The following PER3 variants were observed in gnomAD, a reference collection of about 807,000 sequenced individuals.
PER3 encodes the protein period circadian protein homolog 3.
Under a neutral mutation model 127.2 loss-of-function variants are expected in PER3, and 107 were observed. The ratio of observed to expected loss-of-function variants is 0.84; its 90% CI spans 0.72 to 0.99. The LOEUF (loss-of-function observed/expected upper bound fraction) is 0.99, where lower values mean the gene tolerates loss of function less well. Among genes scored for constraint, PER3 ranks in the 50% least tolerant of loss-of-function variants. The probability of loss-of-function intolerance (pLI) is 0.00; values close to 1 mark genes in which losing one functional copy is unlikely to be tolerated. For missense variants in PER3, 1,560 were observed against 1,525.8 expected, an observed-to-expected ratio of 1.02 and a Z score of -0.37; for synonymous variants, 618 against 585.8, an observed-to-expected ratio of 1.05 and a Z score of -0.79.
intron 6 of PER3, 42 bp from the exon 7 acceptor site, chr1:7,798,483 A>G: frequency 1.3e-6 from 2 of 1,554,626 alleles, no homozygotes; most frequent in Non-Finnish European, 1.8e-6. Context: ...ATGGGCCAGT[A>G]GGGTGCGTCA....
At chr1:7,801,674 ACTT>A (rs1309843972) in intron 8 of PER3, among the ~76,000 whole-genome samples, 1 of 152,060 alleles carries the variant, frequency 6.6e-6, no homozygotes, top group African/African-American at 2.4e-5. Context: ...TTTATTTTGA[ACTT>A]CTGTCCTTCC....
At chr1:7,838,554 G>A (rs527834954) in intron 21 of PER3, among the ~76,000 whole-genome samples, 5 of 152,016 alleles carry the variant, frequency 3.3e-5, no homozygotes, top group Admixed American at 6.6e-5. Context: ...GATTGCAGGC[G>A]CACACCACCA....
At chr1:7,792,265 A>G (rs2097125262) in intron 5 of PER3, among the ~76,000 whole-genome samples, 1 of 152,136 alleles carries the variant, frequency 6.6e-6, no homozygotes, top group African/African-American at 2.4e-5. Flanking sequence ...CAAAAGGGGG[A>G]AAAGCCTCTT....
chr1:7,785,410 G>A (rs2150401975), intron 2 of PER3, 31 bp from the exon 3 acceptor site: 2 of 1,585,020 alleles, frequency 1.3e-6, no homozygotes, highest in Non-Finnish European at 1.7e-6. Flanking sequence ...GTCTTCAGAG[G>A]ATGAAGTTGT....
chr1:7,823,855 A>G (rs553157845), intron 16 of PER3, among the ~76,000 whole-genome samples: 1 of 152,348 alleles, frequency 6.6e-6, no homozygotes, highest in East Asian at 1.9e-4. Flanking sequence ...CAACCTTTTC[A>G]AGTACACACA....
In PER3 at chr1:7,785,575, A is replaced by G. The variant is rs996420445; in HGVS notation, c.263A>G (p.His88Arg). The change falls in exon 3 of 22, where the codon CAC becomes CGC. Residue 88 changes from histidine to arginine, a missense_variant. Coordinates refer to ENST00000377532, the MANE Select transcript of PER3 (RefSeq NM_001377275.1). Reference sequence around the variant, plus strand: ...CTCAACTATGCTCTCCGCTGTGTCCACAGCGTTCAAGGTAAACAAGCCGGA... The same window carrying G: ...CTCAACTATGCTCTCCGCTGTGTCCGCAGCGTTCAAGGTAAACAAGCCGGA... ...DALNYALRCV[H>R]SVQANSEFFQ... The G allele has an allele frequency of 6.2e-7, 1 of 1,613,110 alleles. No individual in the cohort carries two copies. The highest frequency in any genetic ancestry group is 1.1e-5 in the South Asian group (1 of 90,902).
chr1:7,809,802 ATCT>A (rs2097211102), intron 11 of PER3, 88 bp from the exon 12 acceptor site: 1 of 1,222,868 alleles, frequency 8.2e-7, no homozygotes, highest in South Asian at 1.5e-5. Context: ...AGGAATTGTC[ATCT>A]TAATTTTTAC....
At chr1:7,796,121 C>A (rs1328101505) in intron 6 of PER3, among the ~76,000 whole-genome samples, 1 of 152,062 alleles carries the variant, frequency 6.6e-6, no homozygotes, top group Non-Finnish European at 1.5e-5. Context: ...CATGAGACAC[C>A]CCAGACCCAT....
chr1:7,810,520 C>A lies in PER3; in HGVS notation c.1454C>A (p.Ser485Ter), dbSNP rs761153271. The change falls in exon 13 of 22, where the codon TCA (serine) becomes TAA (stop). Residue 485 changes from serine (S) to a stop codon, truncating the protein, a stop_gained. Transcript: ENST00000377532. LOFTEE classifies it high-confidence loss of function. Reference sequence around the variant, plus strand: ...CTCTACATTGAGTCAATGACCAAATCATCATTCAAGCCAGTGACGGGGACA... The same window carrying A: ...CTCTACATTGAGTCAATGACCAAATAATCATTCAAGCCAGTGACGGGGACA... ...QQLYIESMTK[S>*]SFKPVTGTRT... The A allele has an allele frequency of 6.2e-7, 1 of 1,613,666 alleles. No homozygotes were observed. The highest frequency in any genetic ancestry group is 8.5e-7 in the Non-Finnish European group (1 of 1,179,842).
chr1:7,830,653 G>T (rs568515977), intron 19 of PER3, among the ~76,000 whole-genome samples: 1 of 152,202 alleles, frequency 6.6e-6, no homozygotes, highest in African/African-American at 2.4e-5. Flanking sequence ...TGAGTTTTGT[G>T]TATGGTATGA....
In PER3 at chr1:7,809,836, C is replaced by T. The variant is rs779737476; in HGVS notation, c.1243-57C>T. 54 of 1,534,560 alleles carry T rather than the reference C, an allele frequency of 3.5e-5. 1 individual carries two copies. Among genetic ancestry groups the T allele is most frequent in the South Asian group, 3.0e-4 (26 of 86,204 alleles). On this transcript the variant is annotated intron_variant, in intron 11 of 21. Transcript: ENST00000377532. ...TTTACATGATTCTAGATGAGCTCTGCGGTGGCTGCATTTGAACAGCCAGCA... is the reference window on the plus strand; with the variant it reads ...TTTACATGATTCTAGATGAGCTCTGTGGTGGCTGCATTTGAACAGCCAGCA...
intron 8 of PER3, among the ~76,000 whole-genome samples, chr1:7,802,484 C>G (rs961239363): frequency 6.6e-6 from 1 of 152,168 alleles, no homozygotes; most frequent in African/African-American, 2.4e-5. Context: ...AGACTGGTCT[C>G]GAACTCCTGA....
At chr1:7,787,416 C>T (rs769469029) in intron 4 of PER3, 13 of 369,118 alleles carry the variant, frequency 3.5e-5, no homozygotes, top group Admixed American at 9.9e-5. Flanking sequence ...AATAGTGGAA[C>T]GTGCGCAATC....
intron 19 of PER3, 95 bp downstream of exon 19, chr1:7,830,256 G>C: frequency 8.9e-7 from 1 of 1,120,162 alleles, no homozygotes. Context: ...TGATGTGGAA[G>C]TACAAGGTTT....
In PER3 at chr1:7,820,451, T is replaced by C; in HGVS notation, c.1784-16T>C. The C allele has an allele frequency of 1.3e-6, 2 of 1,592,962 alleles. No individual in the cohort carries two copies. The highest frequency in any genetic ancestry group is 2.2e-5 in the East Asian group (1 of 44,626). Reference sequence around the variant, plus strand: ...GGAATTTTTCTTTTCACTGTCAGTTTCTCTTACACCACCAGCTGGTTTGCA... The same window carrying C: ...GGAATTTTTCTTTTCACTGTCAGTTCCTCTTACACCACCAGCTGGTTTGCA... On this transcript the variant is annotated splice_polypyrimidine_tract_variant and intron_variant, in intron 15 of 21. Coordinates refer to ENST00000377532, the MANE Select transcript of PER3 (RefSeq NM_001377275.1).
chr1:7,786,969 AAGAGG>A (rs1479431010), intron 4 of PER3, 133 bp downstream of exon 4: 1 of 638,434 alleles, frequency 1.6e-6, no homozygotes, highest in African/African-American at 1.8e-5. Flanking sequence ...GGAACTGCTA[AAGAGG>A]CATGGTGTAG....
In PER3 at chr1:7,840,339, T is replaced by G. The variant is rs550179259; in HGVS notation, c.3550-2333T>G. On this transcript the variant is annotated intron_variant, in intron 21 of 21. Transcript: ENST00000377532. ...CATCATCTTTTTCTTTTTTCTATTT[T>G]TTTTTTTAGACAAGGTCTCACTCTG... Among the ~76,000 whole-genome samples, 47 of 152,058 alleles carry G rather than the reference T, an allele frequency of 3.1e-4. No individual in the cohort carries two copies. In the South Asian group the frequency reaches 6.6e-3, roughly 21 times the overall value.
At chr1:7,795,055 C>T (rs1398948330) in intron 6 of PER3, among the ~76,000 whole-genome samples, 6 of 152,056 alleles carry the variant, frequency 3.9e-5, no homozygotes, top group African/African-American at 1.2e-4. Context: ...TATTCCAGTA[C>T]TCCATGGAAC....
chr1:7,785,013 G>A lies in PER3; in HGVS notation c.128+8G>A. On this transcript the variant is annotated splice_region_variant and intron_variant, in intron 2 of 21. Coordinates refer to ENST00000377532, the MANE Select transcript of PER3 (RefSeq NM_001377275.1). ...GGCGGACAGCAGCCACAGGTGACGC[G>A]CTGGCTTCAGGCCGAGGGCCCCATG... is the stretch of plus-strand genomic sequence containing the variant. 2 of 1,570,264 alleles carry A rather than the reference G, an allele frequency of 1.3e-6. No individual in the cohort carries two copies. The highest frequency in any genetic ancestry group is 2.4e-5 in the East Asian group (1 of 40,974).
Sources: gnomAD v4.1 joint callset for allele counts (sites outside exome capture counted in the v4.1 genomes callset) on GRCh38, gnomAD v4.1.1 for gene constraint, MANE v1.5 for transcripts, NCBI Gene and HGNC (gene_info 2026-07-23, HGNC 2026-07-21) for gene names.